The following GUCY1A2 variants were observed in gnomAD, a reference collection of about 807,000 sequenced individuals.
GUCY1A2 encodes guanylate cyclase 1 soluble subunit alpha 2.
A neutral mutation model predicts 63.5 loss-of-function variants in GUCY1A2; 27 were observed. That is an observed-to-expected ratio of 0.43 (90% CI 0.31 to 0.59). The LOEUF (loss-of-function observed/expected upper bound fraction) is 0.59. Ranked by LOEUF, GUCY1A2 falls within the 20% of genes least tolerant of loss-of-function variation. The pLI, the probability that GUCY1A2 is intolerant of heterozygous loss-of-function variation, is 0.11. For missense variants in GUCY1A2, 768 were observed against 913.3 expected (o/e 0.84, Z 2.05); for synonymous variants, 364 against 343.5 (o/e 1.06, Z -0.66).
At chr11:106,799,822 T>C (rs1418170963) in intron 5 of GUCY1A2, among the ~76,000 whole-genome samples, 4 of 152,212 alleles carry the variant, frequency 2.6e-5, no homozygotes, top group Admixed American at 6.5e-5. Context: ...ATTCAGGACA[T>C]AGGCATGGGC....
intron 3 of GUCY1A2, among the ~76,000 whole-genome samples, chr11:106,969,336 T>C (rs1861165676): frequency 6.6e-6 from 1 of 152,200 alleles, no homozygotes; most frequent in African/African-American, 2.4e-5. Context: ...ACTTAAATTT[T>C]CACTAACTGT....
intron 5 of GUCY1A2, among the ~76,000 whole-genome samples, chr11:106,785,596 CT>C (rs1864542364): frequency 6.6e-6 from 1 of 151,780 alleles, no homozygotes. Context: ...CTATTAAATG[CT>C]TTAAATTGCA....
intron 6 of GUCY1A2, among the ~76,000 whole-genome samples, chr11:106,723,677 G>T (rs1332101799): frequency 6.6e-6 from 1 of 152,174 alleles, no homozygotes; most frequent in Non-Finnish European, 1.5e-5. Flanking sequence ...ACAAAAATTA[G>T]CTGGGCATGG....
At chr11:106,896,025 T>A (rs1205000966) in intron 4 of GUCY1A2, among the ~76,000 whole-genome samples, 1 of 148,402 alleles carries the variant, frequency 6.7e-6, no homozygotes, top group Non-Finnish European at 1.5e-5. Context: ...AAAAAAAATA[T>A]ATATATATAG....
chr11:106,902,673 C>G (rs1006291505), intron 4 of GUCY1A2, among the ~76,000 whole-genome samples: 2 of 152,150 alleles, frequency 1.3e-5, no homozygotes, highest in Admixed American at 6.6e-5. Flanking sequence ...TCCATGGGTT[C>G]CACATCCAGA....
chr11:106,943,053 A>C (rs1191489969), intron 3 of GUCY1A2, among the ~76,000 whole-genome samples: 1 of 152,208 alleles, frequency 6.6e-6, no homozygotes, highest in African/African-American at 2.4e-5. Context: ...CAGAACTGTT[A>C]AACTGCACAA....
At chr11:106,957,868 T>C (rs1233240543) in intron 3 of GUCY1A2, among the ~76,000 whole-genome samples, 1 of 75,790 alleles carries the variant, frequency 1.3e-5, no homozygotes, top group Admixed American at 1.2e-4. Flanking sequence ...TTTTTTTTTT[T>C]TTTTTTTTTT....
In GUCY1A2 at chr11:106,986,127, T is replaced by A; in HGVS notation, c.308A>T (p.Gln103Leu). Residue 103 changes from glutamine to leucine, a missense_variant, in exon 2 of 8, where the codon CAG (glutamine) becomes CTG (leucine). Physicochemically the swap from Gln to Leu is moderately radical, Grantham distance 113 (BLOSUM62 -2). Coordinates refer to ENST00000526355, the MANE Select transcript of GUCY1A2 (RefSeq NM_000855.3). ...CCTCTTGAGAGTCTGCTGTATCGTC[T>A]GAGGCTACAGAATAATAATAATAAT... ...SISRLTAPSP[Q>L]TIQQTLKRTL... is the part of the protein sequence containing the mutation. 7.0e-7 allele frequency: 1 copy of A among 1,422,886 alleles called. No individual in the cohort carries two copies. Among genetic ancestry groups the A allele is most frequent in the South Asian group, 1.1e-5 (1 of 87,194 alleles). The allele number at this position is 1,422,886 out of a possible 1,614,324, so 88.1% of individuals were successfully genotyped here.
intron 4 of GUCY1A2, among the ~76,000 whole-genome samples, chr11:106,917,023 A>G (rs1195963328): frequency 6.9e-6 from 1 of 145,670 alleles, no homozygotes; most frequent in Non-Finnish European, 1.5e-5. Context: ...AAAATAAGCA[A>G]TTAGGCCCAT....
intron 2 of GUCY1A2, among the ~76,000 whole-genome samples, chr11:106,979,005 AG>A (rs1281530447): frequency 6.6e-6 from 1 of 152,258 alleles, no homozygotes; most frequent in East Asian, 1.9e-4. Context: ...AGCTTTGTAC[AG>A]CTAATGTATC....
chr11:106,980,848 C>T (rs1186634605), intron 2 of GUCY1A2, among the ~76,000 whole-genome samples: 1 of 137,620 alleles, frequency 7.3e-6, no homozygotes, highest in African/African-American at 2.8e-5. Context: ...AGAGGTGGAA[C>T]AGGGAGCACA....
intron 2 of GUCY1A2, among the ~76,000 whole-genome samples, chr11:106,982,466 G>T (rs1474380919): frequency 6.6e-6 from 1 of 152,126 alleles, no homozygotes; most frequent in Non-Finnish European, 1.5e-5. Flanking sequence ...GCTCATTCTA[G>T]GTGGAGGAAA....
chr11:106,911,760 T>G (rs2119866706), intron 4 of GUCY1A2, among the ~76,000 whole-genome samples: 1 of 152,170 alleles, frequency 6.6e-6, no homozygotes, highest in Non-Finnish European at 1.5e-5. Context: ...AAGTCCTTTT[T>G]AAAGCAAACT....
In GUCY1A2 at chr11:106,726,717, T is replaced by C. The variant is rs1181270539; in HGVS notation, c.1837-18051A>G. Among the ~76,000 whole-genome samples, 4 of 152,248 alleles carry C rather than the reference T, an allele frequency of 2.6e-5. No individual in the cohort carries two copies. The East Asian group carries it at 7.7e-4, about 29-fold the overall frequency. ...GGATATTAAAGACAAGAGATAGCATTACAAAGAAGGGTGTCCCAAACCTGG... is the reference window on the plus strand; with the variant it reads ...GGATATTAAAGACAAGAGATAGCATCACAAAGAAGGGTGTCCCAAACCTGG... On this transcript the variant is annotated intron_variant, in intron 6 of 7. Transcript: ENST00000526355.
intron 3 of GUCY1A2, among the ~76,000 whole-genome samples, chr11:106,942,634 A>G (rs1259342493): frequency 6.6e-6 from 1 of 152,234 alleles, no homozygotes; most frequent in Non-Finnish European, 1.5e-5. Flanking sequence ...TGAAGAGAAA[A>G]AGAGAAGTTC....
At chr11:106,990,631 C>T (rs2120153232) in intron 1 of GUCY1A2, among the ~76,000 whole-genome samples, 1 of 152,358 alleles carries the variant, frequency 6.6e-6, no homozygotes. Context: ...ACACAGTTGT[C>T]ATCGCACAAA....
At chr11:106,707,567 T>C (rs1862938470) in intron 7 of GUCY1A2, among the ~76,000 whole-genome samples, 1 of 152,122 alleles carries the variant, frequency 6.6e-6, no homozygotes, top group African/African-American at 2.4e-5. Context: ...TCTTTGCTGT[T>C]AATTTTGAAA....
chr11:106,805,687 C>T (rs1284130392), intron 5 of GUCY1A2, among the ~76,000 whole-genome samples: 3 of 152,146 alleles, frequency 2.0e-5, no homozygotes, highest in Non-Finnish European at 4.4e-5. Flanking sequence ...TTTGGTATGC[C>T]ACTTTCCATA....
chr11:106,993,283 C>T (rs946962116), intron 1 of GUCY1A2, among the ~76,000 whole-genome samples: 4 of 152,188 alleles, frequency 2.6e-5, no homozygotes, highest in Admixed American at 2.6e-4. Context: ...TACCCTATGT[C>T]AAATTCCACA....
Sources: allele counts gnomAD v4.1 joint callset (sites outside exome capture counted in the v4.1 genomes callset), GRCh38; gene constraint gnomAD v4.1.1; transcripts MANE v1.5; gene names NCBI Gene and HGNC (gene_info 2026-07-23, HGNC 2026-07-21).